FOXN3: variants seen among roughly 807,000 people sequenced by gnomAD.
FOXN3 encodes forkhead box N3.
FOXN3 carries 7 observed loss-of-function variants against 38.4 expected under a neutral mutation model. The observed-to-expected ratio is 0.18, with a 90% CI of 0.10 to 0.34. The LOEUF (loss-of-function observed/expected upper bound fraction) is 0.34. Ranked by LOEUF, FOXN3 falls within the 10% of genes least tolerant of loss-of-function variation. FOXN3 has a pLI of 1.00. For synonymous variants in FOXN3, 230 were observed against 242.2 expected, an observed-to-expected ratio of 0.95 and a Z score of 0.47; for missense variants, 456 against 613.4, an observed-to-expected ratio of 0.74 and a Z score of 2.71.
intron 3 of FOXN3, among the ~76,000 whole-genome samples, chr14:89,285,050 A>C (rs1886579399): frequency 6.6e-6 from 1 of 152,236 alleles, no homozygotes; most frequent in African/African-American, 2.4e-5. Context: ...CTCTATACCC[A>C]GGAACCTTAA....
intron 4 of FOXN3, among the ~76,000 whole-genome samples, chr14:89,228,576 T>C (rs905247719): frequency 1.3e-5 from 2 of 152,236 alleles, no homozygotes; most frequent in African/African-American, 4.8e-5. Flanking sequence ...TAAAAAAGCA[T>C]AGGTTTGAAG....
rs2139859508 is a variant in FOXN3 at position 89,548,640 on chromosome 14, AGTT to A, written c.-15+70385_-15+70387del. Among the ~76,000 whole-genome samples, 1 of 152,336 alleles carries A rather than the reference AGTT, an allele frequency of 6.6e-6. No individual in the cohort carries two copies. The highest frequency in any genetic ancestry group is 1.9e-4 in the East Asian group (1 of 5,194). On this transcript the variant is annotated intron_variant, in intron 1 of 6. Transcript: ENST00000345097. This position sits in a 1 kb window ranked among gnomAD's most constrained non-coding sequence, Gnocchi z 4.8. ...TAATTAGAACCTTAATGTAAATGTA[AGTT>A]ATTACCATAATAATGATGACTTTTC...
chr14:89,335,997 G>A (rs897003155), intron 3 of FOXN3, among the ~76,000 whole-genome samples: 3 of 152,054 alleles, frequency 2.0e-5, no homozygotes, highest in Admixed American at 2.0e-4. Flanking sequence ...GAATTCATGG[G>A]CAAGAAAGCT....
chr14:89,199,096 G>A (rs140277437), intron 4 of FOXN3, among the ~76,000 whole-genome samples: 7 of 152,306 alleles, frequency 4.6e-5, no homozygotes, highest in South Asian at 2.1e-4. Flanking sequence ...ACGGGGTGCC[G>A]TCAGCTCTAC....
rs144204435 is a variant in FOXN3 at position 89,254,810 on chromosome 14, C to G, written c.745+26140G>C. Among the ~76,000 whole-genome samples the G allele has an allele frequency of 1.4e-3, 210 of 152,264 alleles. 1 individual carries two copies. The highest frequency in any genetic ancestry group is 2.3e-3 in the Non-Finnish European group (156 of 68,010). On this transcript the variant is annotated intron_variant, in intron 4 of 5. Coordinates refer to ENST00000557258, the MANE Select transcript of FOXN3 (RefSeq NM_005197.4). ...GAGAAGAGATACTAGTCCTACTCAC[C>G]TTTTCAGACCCAGAGTGCTCAAGGC...
chr14:89,457,096 G>C (rs1387920113), intron 1 of FOXN3, among the ~76,000 whole-genome samples: 3 of 152,204 alleles, frequency 2.0e-5, no homozygotes, highest in African/African-American at 7.2e-5. Flanking sequence ...CACAATTCAA[G>C]TCTACAGCTT....
chr14:89,538,522 TTTTTTTC>T (rs1274050111), intron 1 of FOXN3, among the ~76,000 whole-genome samples: 2 of 152,196 alleles, frequency 1.3e-5, no homozygotes, highest in Non-Finnish European at 1.5e-5. Context: ...TTCTTTTCTC[TTTTTTTC>T]TTTTTTAAGA....
intron 1 of FOXN3, among the ~76,000 whole-genome samples, chr14:89,592,125 T>C (rs1238207853): frequency 1.3e-5 from 2 of 152,064 alleles, no homozygotes; most frequent in Non-Finnish European, 2.9e-5. Flanking sequence ...AAGAATTCCA[T>C]AGATGATTTG....
intron 1 of FOXN3, among the ~76,000 whole-genome samples, chr14:89,589,124 G>T (rs35889227): frequency 0.45 from 68,090 of 151,958 alleles, 18,740 homozygotes; most frequent in Non-Finnish European, 0.62. Context: ...TTAAATATTT[G>T]AACTGCAGTC....
intron 1 of FOXN3, among the ~76,000 whole-genome samples, chr14:89,415,883 C>CACACACACACACA (rs60129607): frequency 1.4e-4 from 20 of 148,122 alleles, no homozygotes; most frequent in South Asian, 6.6e-4. Context: ...CACACACACA[C>CACACACACACACA]CCTCTTTTGT....
intron 1 of FOXN3, among the ~76,000 whole-genome samples, chr14:89,584,944 G>A (rs1326963336): frequency 6.6e-6 from 1 of 152,140 alleles, no homozygotes; most frequent in Non-Finnish European, 1.5e-5. Context: ...TTGAACTCCT[G>A]ACCTCAGGTG....
chr14:89,557,095 T>A (rs1290946371), intron 1 of FOXN3, among the ~76,000 whole-genome samples: 3 of 152,152 alleles, frequency 2.0e-5, no homozygotes, highest in African/African-American at 7.2e-5. Context: ...GGAGCTCAGA[T>A]CCAAAACCCA....
In FOXN3 at chr14:89,297,248, A is replaced by T. The variant is rs1462951208; in HGVS notation, c.681-16234T>A. On this transcript the variant is annotated intron_variant, in intron 3 of 5. Transcript: ENST00000557258. Reference sequence around the variant, plus strand: ...AATGGTGCAGGCACTCTGAAAAAACAGTATGGCGGTTCCTAAAAAAATTAA... The same window carrying T: ...AATGGTGCAGGCACTCTGAAAAAACTGTATGGCGGTTCCTAAAAAAATTAA... 2.6e-5 allele frequency among the ~76,000 whole-genome samples: 4 copies of T among 152,306 alleles called. No homozygotes were observed. The East Asian group carries it at 7.7e-4, about 29-fold the overall frequency.
intron 1 of FOXN3, among the ~76,000 whole-genome samples, chr14:89,414,549 C>CG (rs1398021175): frequency 7.1e-6 from 1 of 141,830 alleles, no homozygotes; most frequent in Non-Finnish European, 1.5e-5. Flanking sequence ...GAGGCCCAAC[C>CG]GGTTTTTTTT....
chr14:89,402,686 T>G, intron 2 of FOXN3, among the ~76,000 whole-genome samples: 1 of 152,130 alleles, frequency 6.6e-6, no homozygotes, highest in African/African-American at 2.4e-5. Context: ...TCTTGCTTCC[T>G]AAAATGGGAA....
At chr14:89,350,633 A>G in intron 3 of FOXN3, 39 bp downstream of exon 3, 1 of 1,464,508 alleles carries the variant, frequency 6.8e-7, no homozygotes, top group Non-Finnish European at 9.0e-7. Context: ...AAATAATGCC[A>G]TTTCAGTAGA....
intron 2 of FOXN3, among the ~76,000 whole-genome samples, chr14:89,381,145 CAAAAAAAAAAAAAAAAA>C (rs71130067): frequency 1.6e-5 from 1 of 64,204 alleles, no homozygotes; most frequent in Non-Finnish European, 3.0e-5. Context: ...CCCTCCGTCT[CAAAAAAAAAAAAAAAAA>C]AAAAAAAGAC....
At chr14:89,462,257 C>T (rs1192723677) in intron 1 of FOXN3, among the ~76,000 whole-genome samples, 3 of 152,174 alleles carry the variant, frequency 2.0e-5, no homozygotes, top group Non-Finnish European at 4.4e-5. Flanking sequence ...TTGGTAAAGT[C>T]TTCCAAGGTC....
intron 1 of FOXN3, among the ~76,000 whole-genome samples, chr14:89,601,560 G>A (rs1896153485): frequency 6.6e-6 from 1 of 152,168 alleles, no homozygotes; most frequent in Admixed American, 6.5e-5. Context: ...AAAGCAATTA[G>A]TTAAACTCAG....
Sources: allele counts gnomAD v4.1 joint callset (sites outside exome capture counted in the v4.1 genomes callset), GRCh38; gene constraint gnomAD v4.1.1; non-coding constraint Gnocchi (gnomAD v3.1); transcripts MANE v1.5; gene names NCBI Gene and HGNC (gene_info 2026-07-23, HGNC 2026-07-21).